Variants in FHIT observed in about 807,000 individuals in gnomAD.
FHIT encodes fragile histidine triad diadenosine triphosphatase.
In FHIT, 19 loss-of-function variants were observed where a neutral mutation model predicts 17.9. The observed-to-expected ratio is 1.06, with a 90% CI of 0.74 to 1.56. FHIT has a LOEUF of 1.56. FHIT is among the 40% of genes most tolerant of loss of function. The pLI is 0.00. For synonymous variants in FHIT, 81 were observed against 69.7 expected (o/e 1.16, Z -0.81); for missense variants, 248 against 189.2 (o/e 1.31, Z -1.82).
At chr3:60,287,640 T>C (rs918462962) in intron 5 of FHIT, among the ~76,000 whole-genome samples, 3 of 152,166 alleles carry the variant, frequency 2.0e-5, no homozygotes, top group African/African-American at 7.2e-5. Flanking sequence ...TTTAAGGGGA[T>C]CAAGTGTGGA....
At chr3:60,585,572 T>C (rs2037880000) in intron 4 of FHIT, among the ~76,000 whole-genome samples, 1 of 152,016 alleles carries the variant, frequency 6.6e-6, no homozygotes, top group Non-Finnish European at 1.5e-5. Context: ...GAAAGACCTA[T>C]CAATACTGAG....
At chr3:61,176,473 T>C (rs1345976182) in intron 2 of FHIT, among the ~76,000 whole-genome samples, 1 of 152,222 alleles carries the variant, frequency 6.6e-6, no homozygotes, top group African/African-American at 2.4e-5. Context: ...AATGAATCTT[T>C]CACTGCAACA....
intron 5 of FHIT, among the ~76,000 whole-genome samples, chr3:60,304,775 C>T (rs115104919): frequency 0.02 from 2,975 of 152,180 alleles, 86 homozygotes; most frequent in African/African-American, 0.055. Flanking sequence ...AAATTAGAAG[C>T]TGGATTTAAA....
intron 3 of FHIT, among the ~76,000 whole-genome samples, chr3:60,836,010 C>G (rs1702529282): frequency 6.6e-6 from 1 of 152,174 alleles, no homozygotes; most frequent in African/African-American, 2.4e-5. Context: ...CAAATATTAA[C>G]AGTTTTCTTT....
chr3:60,456,962 T>C (rs1461315328), intron 5 of FHIT, among the ~76,000 whole-genome samples: 1 of 152,202 alleles, frequency 6.6e-6, no homozygotes, highest in African/African-American at 2.4e-5. Context: ...CATTCCATGC[T>C]CATGGGTAGG....
intron 2 of FHIT, among the ~76,000 whole-genome samples, chr3:61,051,295 G>C (rs1200405649): frequency 2.0e-5 from 3 of 151,546 alleles, no homozygotes; most frequent in Admixed American, 2.0e-4. Flanking sequence ...TTTTGAGACA[G>C]GGTCTCAATC....
At chr3:60,410,942 A>G (rs1702037488) in intron 5 of FHIT, among the ~76,000 whole-genome samples, 2 of 152,170 alleles carry the variant, frequency 1.3e-5, no homozygotes, top group Admixed American at 1.3e-4. Flanking sequence ...AAATATGTGT[A>G]CTTTCTTCTT....
chr3:60,023,104 A>T (rs1700611740), intron 5 of FHIT, among the ~76,000 whole-genome samples: 1 of 152,252 alleles, frequency 6.6e-6, no homozygotes, highest in African/African-American at 2.4e-5. Context: ...TTAAGACTTG[A>T]AGGAGTATGG....
intron 5 of FHIT, among the ~76,000 whole-genome samples, chr3:60,258,019 T>C (rs899413015): frequency 3.3e-5 from 5 of 150,910 alleles, no homozygotes; most frequent in African/African-American, 1.2e-4. Flanking sequence ...GTAACAAACC[T>C]GCAATCCTGC....
intron 4 of FHIT, among the ~76,000 whole-genome samples, chr3:60,735,247 T>G: frequency 6.6e-6 from 1 of 152,198 alleles, no homozygotes; most frequent in Non-Finnish European, 1.5e-5. Context: ...CATAGCACAA[T>G]GGACATCTAT....
intron 4 of FHIT, among the ~76,000 whole-genome samples, chr3:60,541,950 A>G (rs1218675353): frequency 3.3e-5 from 5 of 151,782 alleles, no homozygotes; most frequent in Admixed American, 2.0e-4. Context: ...TTTTCCAATC[A>G]TTTTCCTTTT....
chr3:60,426,410 C>T (rs1334945095), intron 5 of FHIT, among the ~76,000 whole-genome samples: 1 of 152,022 alleles, frequency 6.6e-6, no homozygotes, highest in African/African-American at 2.4e-5. Context: ...CCACGAATTC[C>T]CTCCCTACTG....
chr3:60,510,429 T>C (rs2034905553), intron 5 of FHIT, among the ~76,000 whole-genome samples: 1 of 152,216 alleles, frequency 6.6e-6, no homozygotes, highest in African/African-American at 2.4e-5. Flanking sequence ...TATTCTCTCT[T>C]CTACATATCA....
chr3:60,276,644 T>A (rs1361882874), intron 5 of FHIT, among the ~76,000 whole-genome samples: 2 of 152,200 alleles, frequency 1.3e-5, no homozygotes, highest in Admixed American at 1.3e-4. Flanking sequence ...AAGGAATACC[T>A]GAGACTGGGT....
intron 5 of FHIT, among the ~76,000 whole-genome samples, chr3:60,167,303 A>T (rs1701217433): frequency 6.6e-6 from 1 of 152,216 alleles, no homozygotes; most frequent in Non-Finnish European, 1.5e-5. Flanking sequence ...CTATTTGTTG[A>T]CTAAAATAAT....
chr3:60,964,298 C>T (rs1166619516), intron 3 of FHIT, among the ~76,000 whole-genome samples: 1 of 151,946 alleles, frequency 6.6e-6, no homozygotes, highest in Non-Finnish European at 1.5e-5. Context: ...GATCTTCCTC[C>T]ATCCCTTTAG....
intron 5 of FHIT, among the ~76,000 whole-genome samples, chr3:60,302,376 CTCCAACCCTGCATAATTTCTCCT>C (rs1425267443): frequency 2.0e-5 from 3 of 152,108 alleles, no homozygotes; most frequent in African/African-American, 7.2e-5. Context: ...AACAGGCCTA[CTCCAACCCTGCATAATTTCTCCT>C]ATCTTAGGGC....
Position 60,200,297 on chromosome 3 carries a change from G to T in FHIT, c.104-186145C>A, listed in dbSNP as rs213298. On this transcript the variant is annotated intron_variant, in intron 5 of 9. Transcript: ENST00000492590. ...CTCTGCATCCCCTTTCCACATTTTAGGGCCTGATGTTTGACAGCCATCTAA... is the reference window on the plus strand; with the variant it reads ...CTCTGCATCCCCTTTCCACATTTTATGGCCTGATGTTTGACAGCCATCTAA... 1.8e-4 allele frequency among the ~76,000 whole-genome samples: 27 copies of T among 151,890 alleles called. No individual in the cohort carries two copies. In the East Asian group the frequency reaches 2.1e-3, roughly 12 times the overall value.
At chr3:60,119,054 A>T (rs1219271898) in intron 5 of FHIT, among the ~76,000 whole-genome samples, 2 of 151,030 alleles carry the variant, frequency 1.3e-5, no homozygotes, top group Non-Finnish European at 1.5e-5. Context: ...CAGGGTCATT[A>T]CCCTATTTCT....
Sources: allele counts gnomAD v4.1 joint callset (sites outside exome capture counted in the v4.1 genomes callset), GRCh38; gene constraint gnomAD v4.1.1; transcripts MANE v1.5; gene names NCBI Gene and HGNC (gene_info 2026-07-23, HGNC 2026-07-21).